The following AK8 variants were observed in gnomAD, a reference collection of about 807,000 sequenced individuals.
AK8 encodes the protein ATP-AMP transphosphorylase 8.
In AK8, 44 loss-of-function variants were observed where a neutral mutation model predicts 54.6. The ratio of observed to expected loss-of-function variants is 0.81; its 90% confidence interval spans 0.63 to 1.04. AK8 has a LOEUF of 1.04. Among genes scored for constraint, AK8 ranks in the 50% least tolerant of loss-of-function variants. The probability of loss-of-function intolerance (pLI) is 0.00; values close to 1 mark genes in which losing one functional copy is unlikely to be tolerated. For missense variants in AK8, 555 were observed against 613.6 expected, an observed-to-expected ratio of 0.90 and a Z score of 1.01; for synonymous variants, 239 against 245.6, an observed-to-expected ratio of 0.97 and a Z score of 0.25.
chr9:132,801,240 T>C (rs530964602), intron 10 of AK8, among the ~76,000 whole-genome samples: 5 of 152,294 alleles, frequency 3.3e-5, no homozygotes, highest in African/African-American at 1.2e-4. Flanking sequence ...TTTGTCCCTT[T>C]CAAATGAAGT....
chr9:132,805,417 C>A (rs1564410808), intron 10 of AK8, among the ~76,000 whole-genome samples: 1 of 152,242 alleles, frequency 6.6e-6, no homozygotes, highest in Non-Finnish European at 1.5e-5. Context: ...CAGACCTACC[C>A]CCCTCCGGCA....
At position 132,770,917 on chromosome 9, in the gene AK8, T is replaced by C. The variant is rs1318578408; in HGVS notation, c.1121+21717A>G. ...AGATGCTTCCCCCATCTCATCTCAG[T>C]GGGGAGGGAGCAGCTGGTGGCCTCG... On this transcript the variant is annotated intron_variant, in intron 11 of 12. Transcript: ENST00000298545. This position sits in a 1 kb window ranked among gnomAD's most constrained non-coding sequence, Gnocchi z 4.3. Among the ~76,000 whole-genome samples the C allele has an allele frequency of 6.6e-6, 1 of 151,762 alleles. No homozygotes were observed. The highest frequency in any genetic ancestry group is 1.5e-5 in the Non-Finnish European group (1 of 67,872).
At chr9:132,737,253 T>TTA in intron 11 of AK8, among the ~76,000 whole-genome samples, 1 of 152,198 alleles carries the variant, frequency 6.6e-6, no homozygotes, top group Admixed American at 6.5e-5. Context: ...TTAATGAGGT[T>TTA]CTGAATACAT....
intron 8 of AK8, 93 bp from the exon 9 acceptor site, chr9:132,823,429 T>A: frequency 2.6e-6 from 4 of 1,532,164 alleles, no homozygotes; most frequent in Non-Finnish European, 3.6e-6. Flanking sequence ...TTAACGGCAG[T>A]AACTCTTTTT....
Position 132,866,948 on chromosome 9 carries a change from T to C in AK8, c.175A>G (p.Arg59Gly), listed in dbSNP as rs1327751165. Reference protein sequence around the residue: ...HLHRDNDNVPRIVILGPPASG... With the variant: ...HLHRDNDNVPGIVILGPPASG... The stretch of plus-strand genomic sequence containing the variant: ...GCGGGTGGACCTAATATTACAATCC[T>C]GGGCACTGTGGAATAAAAAGATTTG... The change falls in exon 3 of 13, where the codon AGG becomes GGG. Residue 59 changes from arginine to glycine, a missense_variant. Arg to Gly is a moderately radical substitution (Grantham distance 125, BLOSUM62 -2). Transcript: ENST00000298545. The C allele has an allele frequency of 6.2e-7, 1 of 1,613,990 alleles. No individual in the cohort carries two copies. The highest frequency in any genetic ancestry group is 8.5e-7 in the Non-Finnish European group (1 of 1,179,970).
intron 11 of AK8, among the ~76,000 whole-genome samples, chr9:132,758,585 G>A (rs778253294): frequency 6.6e-5 from 10 of 151,884 alleles, no homozygotes; most frequent in Non-Finnish European, 8.8e-5. Context: ...AGGTAGCTGG[G>A]ATTACAGGCC....
chr9:132,773,803 G>A (rs1177109343), intron 11 of AK8, among the ~76,000 whole-genome samples: 1 of 152,184 alleles, frequency 6.6e-6, no homozygotes, highest in Non-Finnish European at 1.5e-5. Context: ...TGGAGGTGCA[G>A]GGCAAGAAGA....
Position 132,803,286 on chromosome 9 carries a change from C to T in AK8, c.980-10511G>A, listed in dbSNP as rs1240193473. On this transcript the variant is annotated intron_variant, in intron 10 of 12. Transcript: ENST00000298545. The surrounding 1 kb of genome is among the most constrained non-coding windows in gnomAD (Gnocchi z 4.4). ...GACACAGCCAAACCATATCACGGAG[C>T]ATCAGAGTAATGCAAACTGGAGCTT... Among the ~76,000 whole-genome samples the T allele has an allele frequency of 9.2e-5, 14 of 152,104 alleles. No individual in the cohort carries two copies. The East Asian group carries it at 2.5e-3, about 27-fold the overall frequency.
rs143204870 is a variant in AK8, at chr9:132,781,647, T to C, written c.1121+10987A>G. On this transcript the variant is annotated intron_variant, in intron 11 of 12. Transcript: ENST00000298545. The surrounding 1 kb of genome is among the most constrained non-coding windows in gnomAD (Gnocchi z 4.6). ...CCTTTGTAGATTTTCATATCTGAAT[T>C]ATAGATTTCTGTATCGTATTCCCAG... 3.8e-3 allele frequency among the ~76,000 whole-genome samples: 573 copies of C among 152,306 alleles called. 2 individuals are homozygous for C. Among genetic ancestry groups the C allele is most frequent in the East Asian group, 6.9e-3 (36 of 5,186 alleles).
Position 132,725,675 on chromosome 9 carries a change from G to C in AK8, c.*13C>G, listed in dbSNP as rs375825588. ...ACTCTTTCCCTGGGGCAGCGCTCCT[G>C]GCTCTGAACCCATCAGGGGATTTTC... On this transcript the variant is annotated 3_prime_UTR_variant, in exon 13 of 13. Coordinates refer to ENST00000298545, the MANE Select transcript of AK8 (RefSeq NM_152572.3). The C allele has an allele frequency of 1.9e-6, 3 of 1,557,088 alleles. No homozygotes were observed. The highest frequency in any genetic ancestry group is 2.6e-6 in the Non-Finnish European group (3 of 1,143,732).
At position 132,854,841 on chromosome 9, in the gene AK8, C is replaced by T; in HGVS notation, c.402+16G>A. 1 of 1,614,058 alleles carries T rather than the reference C, an allele frequency of 6.2e-7. No homozygotes were observed. Among genetic ancestry groups the T allele is most frequent in the Non-Finnish European group, 8.5e-7 (1 of 1,179,982 alleles). ...TTTATCTTGGCACTGAAACCCCTAG[C>T]TCACTGGAGTCTTACCTGCTTGATG... On this transcript the variant is annotated intron_variant, in intron 5 of 12. Coordinates refer to ENST00000298545, the MANE Select transcript of AK8 (RefSeq NM_152572.3).
At chr9:132,727,293 A>G (rs1836620396) in intron 12 of AK8, among the ~76,000 whole-genome samples, 161 bp downstream of exon 12, 1 of 152,188 alleles carries the variant, frequency 6.6e-6, no homozygotes, top group Non-Finnish European at 1.5e-5. Flanking sequence ...GTCAACAGAT[A>G]TTGCACAGAA....
chr9:132,830,597 T>C (rs1169634344), intron 5 of AK8, among the ~76,000 whole-genome samples: 4 of 152,238 alleles, frequency 2.6e-5, no homozygotes, highest in African/African-American at 9.6e-5. Flanking sequence ...ATCTATCTAC[T>C]TTCCCCTTGG....
intron 10 of AK8, among the ~76,000 whole-genome samples, chr9:132,797,900 G>A (rs1840250728): frequency 6.6e-6 from 1 of 152,224 alleles, no homozygotes; most frequent in Non-Finnish European, 1.5e-5. Context: ...GCTCTGCCCA[G>A]AAGCCTGGCA....
At chr9:132,768,478 G>T (rs1255050108) in intron 11 of AK8, among the ~76,000 whole-genome samples, 1 of 152,040 alleles carries the variant, frequency 6.6e-6, no homozygotes, top group African/African-American at 2.4e-5. Context: ...TGTTTGTCAG[G>T]CTGATCTCAA....
At chr9:132,762,109 A>T (rs1381093752) in intron 11 of AK8, among the ~76,000 whole-genome samples, 1 of 152,164 alleles carries the variant, frequency 6.6e-6, no homozygotes, top group Non-Finnish European at 1.5e-5. Context: ...GCCATAAGTG[A>T]TCTGCCCACC....
At chr9:132,875,410 T>C (rs1174519736) in intron 1 of AK8, among the ~76,000 whole-genome samples, 4 of 152,136 alleles carry the variant, frequency 2.6e-5, no homozygotes, top group Admixed American at 6.5e-5. Flanking sequence ...GAGGCACCTA[T>C]GGGGAGGCAG....
chr9:132,754,799 G>GTTTTTTTT (rs202163458), intron 11 of AK8, among the ~76,000 whole-genome samples: 1 of 144,002 alleles, frequency 6.9e-6, no homozygotes. Flanking sequence ...TTTGTTTTTT[G>GTTTTTTTT]GTTTTTTTTT....
intron 5 of AK8, among the ~76,000 whole-genome samples, chr9:132,832,063 GAAAAAAAAAAA>G (rs11284701): frequency 3.2e-4 from 4 of 12,412 alleles, no homozygotes; most frequent in Non-Finnish European, 4.3e-4. Context: ...CCTTGTCTCT[GAAAAAAAAAAA>G]AAAAAAAAAA....
Sources: allele counts gnomAD v4.1 joint callset (sites outside exome capture counted in the v4.1 genomes callset), GRCh38; gene constraint gnomAD v4.1.1; non-coding constraint Gnocchi (gnomAD v3.1); transcripts MANE v1.5; gene names NCBI Gene and HGNC (gene_info 2026-07-23, HGNC 2026-07-21).